CDK5RAP3: variants seen among roughly 807,000 people sequenced by gnomAD.
CDK5RAP3 encodes the protein CDK5 regulatory subunit associated protein 3, also known as CDK5 regulatory subunit-associated protein 3.
CDK5RAP3 carries 58 observed loss-of-function variants against 73.3 expected under a neutral mutation model. The ratio of observed to expected loss-of-function variants is 0.79; its 90% CI spans 0.64 to 0.98. CDK5RAP3 has a LOEUF of 0.98. Ranked by LOEUF, CDK5RAP3 falls within the 50% of genes least tolerant of loss-of-function variation. The pLI, the probability that CDK5RAP3 is intolerant of heterozygous loss-of-function variation, is 0.00. For missense variants in CDK5RAP3, 525 were observed against 615.8 expected (o/e 0.85, Z 1.56); for synonymous variants, 224 against 247.5 (o/e 0.91, Z 0.89).
chr17:47,973,699 A>G, intron 3 of CDK5RAP3, 49 bp downstream of exon 3: 1 of 1,602,084 alleles, frequency 6.2e-7, no homozygotes, highest in Non-Finnish European at 8.5e-7. Flanking sequence ...CTGAGGTAGT[A>G]TGTATCAGCT....
upstream of CDK5RAP3, among the ~76,000 whole-genome samples, chr17:47,968,674 C>T (rs1489295722): frequency 2.6e-5 from 4 of 152,196 alleles, no homozygotes; most frequent in East Asian, 1.9e-4. Flanking sequence ...TACGCCACCA[C>T]GCCCAGCTAA....
upstream of CDK5RAP3, among the ~76,000 whole-genome samples, chr17:47,968,869 C>T (rs1412713611): frequency 1.3e-5 from 2 of 151,918 alleles, no homozygotes; most frequent in South Asian, 4.2e-4. Context: ...AGGCTGGTCT[C>T]GAATTCCTGA....
chr17:47,975,838 G>T, intron 7 of CDK5RAP3, 31 bp from the exon 8 acceptor site: 1 of 1,613,690 alleles, frequency 6.2e-7, no homozygotes, highest in Non-Finnish European at 8.5e-7. Flanking sequence ...CGCATGGTCG[G>T]CAGGAGAGTC....
intron 5 of CDK5RAP3, chr17:47,974,953 C>T: frequency 3.5e-6 from 5 of 1,436,258 alleles, no homozygotes; most frequent in East Asian, 2.6e-5. Flanking sequence ...CTTGCATCTT[C>T]ATGATAAATG....
intron 11 of CDK5RAP3, 87 bp from the exon 12 acceptor site, chr17:47,980,506 A>G (rs1598231334): frequency 8.3e-7 from 1 of 1,207,274 alleles, no homozygotes; most frequent in Non-Finnish European, 1.2e-6. Context: ...GCCTCAAGCG[A>G]TCCTCCTGCC....
At chr17:47,971,523 T>G (rs2144209725) in intron 2 of CDK5RAP3, 116 bp downstream of exon 2, 1 of 1,019,668 alleles carries the variant, frequency 9.8e-7, no homozygotes, top group African/African-American at 1.6e-5. Flanking sequence ...TGCTGACCAC[T>G]GGCCTCGTTC....
intron 10 of CDK5RAP3, among the ~76,000 whole-genome samples, chr17:47,978,264 T>G (rs1350290918): frequency 2.0e-5 from 3 of 151,692 alleles, no homozygotes; most frequent in African/African-American, 7.3e-5. Context: ...AGAGTTGGGG[T>G]TTCTCCATGT....
intron 5 of CDK5RAP3, 155 bp downstream of exon 5, chr17:47,974,603 A>T (rs999975449): frequency 1.4e-5 from 20 of 1,468,366 alleles, no homozygotes; most frequent in Non-Finnish European, 1.6e-5. Flanking sequence ...ATTGTTTTTG[A>T]TGGAATTGAT....
intron 2 of CDK5RAP3, among the ~76,000 whole-genome samples, chr17:47,972,746 C>T (rs527937128): frequency 6.6e-6 from 1 of 152,158 alleles, no homozygotes; most frequent in Non-Finnish European, 1.5e-5. Context: ...GAGTCCTTGC[C>T]GTGTCTCAGG....
Position 47,975,611 on chromosome 17 carries a change from C to T in CDK5RAP3, c.611C>T (p.Ala204Val), listed in dbSNP as rs375023997. The T allele has an allele frequency of 1.0e-5, 16 of 1,607,218 alleles. No individual in the cohort carries two copies. Among genetic ancestry groups the T allele is most frequent in the Non-Finnish European group, 1.4e-5 (16 of 1,179,914 alleles). The change falls in exon 7 of 14, where the codon GCC (alanine) becomes GTC (valine). Residue 204 changes from alanine (A) to valine (V), a missense_variant. Physicochemically the swap from Ala to Val is moderately conservative, Grantham distance 64 (BLOSUM62 0). Transcript: ENST00000338399. ...GAAAQQSLGE[A>V]IDVYQASVGF... ...GCGGCTCAGCAGTCCCTGGGGGAAGCCATTGACGTGTACCAGGCGTCTGTG... is the reference window on the plus strand; with the variant it reads ...GCGGCTCAGCAGTCCCTGGGGGAAGTCATTGACGTGTACCAGGCGTCTGTG...
chr17:47,980,199 T>G (rs974267312), intron 11 of CDK5RAP3: 4 of 244,846 alleles, frequency 1.6e-5, no homozygotes, highest in African/African-American at 6.8e-5. Context: ...GTCTCATTTT[T>G]GCATTTCGAG....
upstream of CDK5RAP3, chr17:47,970,784 G>T (rs943795441): frequency 1.1e-4 from 169 of 1,486,046 alleles, no homozygotes; most frequent in Non-Finnish European, 1.4e-4. Flanking sequence ...CTCAATCTGC[G>T]TGGAGAAGAC....
In CDK5RAP3 at chr17:47,981,617, A is replaced by G. The variant is rs770056909; in HGVS notation, c.*115A>G. 92 of 1,591,786 alleles carry G rather than the reference A, an allele frequency of 5.8e-5. No individual in the cohort carries two copies. In the Admixed American group the frequency reaches 1.6e-3, roughly 27 times the overall value. Reference sequence around the variant, plus strand: ...AGACCAGGCTGACTGGAAGATGGAAAGCCACAGGAAGGAAGCGGCACCTGA... The same window carrying G: ...AGACCAGGCTGACTGGAAGATGGAAGGCCACAGGAAGGAAGCGGCACCTGA... On this transcript the variant is annotated 3_prime_UTR_variant, in exon 14 of 14. Transcript: ENST00000338399.
rs371485983 is a variant in CDK5RAP3 at position 47,981,494 on chromosome 17, T to C, written c.1513T>C (p.Ser505Pro). Reference sequence around the variant, plus strand: ...GCGCCCTGTGAACCTGATGGGAACCTCTCTGTGACACCCTCCGTGTTCTTG... The same window carrying C: ...GCGCCCTGTGAACCTGATGGGAACCCCTCTGTGACACCCTCCGTGTTCTTG... Reference protein sequence around the residue: ...SGRPVNLMGTSL With the variant: ...SGRPVNLMGTPL The change falls in exon 14 of 14, where the codon TCT becomes CCT. Residue 505 changes from serine to proline, a missense_variant. Ser to Pro is a moderately conservative substitution (Grantham distance 74). Around this residue, in one of 2 missense-constraint regions of CDK5RAP3, gnomAD observed 116 missense variants for 186.1 expected, o/e 0.62. Transcript: ENST00000338399. The C allele has an allele frequency of 1.9e-6, 3 of 1,614,110 alleles. No homozygotes were observed. Among genetic ancestry groups the C allele is most frequent in the Non-Finnish European group, 2.5e-6 (3 of 1,180,046 alleles).
At chr17:47,968,346 A>C (rs1567720424), upstream of CDK5RAP3, among the ~76,000 whole-genome samples, 1 of 152,086 alleles carries the variant, frequency 6.6e-6, no homozygotes, top group East Asian at 1.9e-4. Flanking sequence ...ATGGAGTCTC[A>C]CTCTGTTGCC....
upstream of CDK5RAP3, chr17:47,968,062 T>G (rs949856572): frequency 6.6e-6 from 1 of 152,180 alleles, no homozygotes; most frequent in Non-Finnish European, 1.5e-5. Flanking sequence ...GGAAGAGAGA[T>G]AGATACACCT....
In CDK5RAP3 at chr17:47,981,553, GA is replaced by G; in HGVS notation, c.*52del. On this transcript the variant is annotated 3_prime_UTR_variant, in exon 14 of 14. Transcript: ENST00000338399. ...TCTTCTCCGCTTTTGGGATGAAGAT[GA>G]TAGCCAGGGCTGTTGTTTTGGGGCC... 1.9e-6 allele frequency: 3 copies of G among 1,614,072 alleles called. No individual in the cohort carries two copies. Among genetic ancestry groups the G allele is most frequent in the Non-Finnish European group, 2.5e-6 (3 of 1,180,032 alleles).
upstream of CDK5RAP3, chr17:47,970,866 T>G: frequency 7.1e-7 from 1 of 1,416,868 alleles, no homozygotes; most frequent in Non-Finnish European, 9.4e-7. Flanking sequence ...CCACGGCCGC[T>G]GCAGCGCACC....
chr17:47,978,860 C>T lies in CDK5RAP3; in HGVS notation c.1020C>T (p.Ala340=). The T allele has an allele frequency of 1.9e-6, 3 of 1,613,980 alleles. No individual in the cohort carries two copies. The highest frequency in any genetic ancestry group is 2.5e-6 in the Non-Finnish European group (3 of 1,179,988). The stretch of plus-strand genomic sequence containing the variant: ...AAGGTGTTGCCAGGGGCCCAGATGC[C>T]CTGACACTGCTTGAATACACTGAGA... ...APEGVARGPD[A]LTLLEYTETR... is the part of the protein sequence containing the mutation. Residue 340 remains alanine (A), a synonymous_variant, in exon 11 of 14, where the codon GCC becomes GCT. Transcript: ENST00000338399.
Sources: gnomAD v4.1 joint callset for allele counts (sites outside exome capture counted in the v4.1 genomes callset) on GRCh38, gnomAD v4.1.1 for gene constraint, gnomAD v4.1.1 regional missense constraint, MANE v1.5 for transcripts, NCBI Gene and HGNC (gene_info 2026-07-23, HGNC 2026-07-21) for gene names.